The following DYRK1A variants were observed in gnomAD, a reference collection of about 807,000 sequenced individuals.
DYRK1A encodes the protein dual specificity tyrosine phosphorylation regulated kinase 1A, also known as dual specificity tyrosine-phosphorylation-regulated kinase 1A.
Under a neutral mutation model 79.7 loss-of-function variants are expected in DYRK1A, and 9 were observed. That is an observed-to-expected ratio of 0.11 (90% CI 0.07 to 0.20). The LOEUF is 0.20. Ranked by LOEUF, DYRK1A falls within the 10% of genes least tolerant of loss-of-function variation. DYRK1A has a pLI of 1.00. For missense variants in DYRK1A, 622 were observed against 956.0 expected (o/e 0.65, Z 4.61); for synonymous variants, 349 against 329.7 (o/e 1.06, Z -0.63).
At chr21:37,434,265 A>G (rs185273594) in intron 2 of DYRK1A, among the ~76,000 whole-genome samples, 3 of 152,316 alleles carry the variant, frequency 2.0e-5, no homozygotes, top group Admixed American at 1.3e-4. Flanking sequence ...AAAAATATCT[A>G]AAAATCATGA....
At chr21:37,467,382 A>G (rs1324725087) in intron 2 of DYRK1A, among the ~76,000 whole-genome samples, 1 of 152,176 alleles carries the variant, frequency 6.6e-6, no homozygotes, top group African/African-American at 2.4e-5. Context: ...GGCATGTGCC[A>G]CCACACCCTA....
intron 6 of DYRK1A, chr21:37,488,027 C>T (rs1413071514): frequency 6.6e-6 from 1 of 151,986 alleles, no homozygotes; most frequent in African/African-American, 2.4e-5. Context: ...CTTAGGGGAG[C>T]AGAAAAAATA....
intron 2 of DYRK1A, among the ~76,000 whole-genome samples, chr21:37,425,053 A>G (rs2050579454): frequency 6.6e-6 from 1 of 152,060 alleles, no homozygotes; most frequent in Non-Finnish European, 1.5e-5. Flanking sequence ...AGAGACAGCC[A>G]CTCCCCTTTT....
intron 2 of DYRK1A, among the ~76,000 whole-genome samples, chr21:37,434,090 G>A (rs753349615): frequency 3.3e-5 from 5 of 152,106 alleles, no homozygotes; most frequent in Non-Finnish European, 5.9e-5. Flanking sequence ...TGGGTGCTTA[G>A]AGATGGTGGA....
At chr21:37,372,261 T>C (rs1310408432) in intron 1 of DYRK1A, among the ~76,000 whole-genome samples, 4 of 148,408 alleles carry the variant, frequency 2.7e-5, no homozygotes, top group Middle Eastern at 6.8e-3. Context: ...CTGGGCAACA[T>C]GGTGAAACCC....
At chr21:37,433,504 T>G (rs1200838212) in intron 2 of DYRK1A, among the ~76,000 whole-genome samples, 1 of 152,226 alleles carries the variant, frequency 6.6e-6, no homozygotes, top group East Asian at 1.9e-4. Context: ...GAAATTGGCT[T>G]TAAAATCTTT....
At chr21:37,390,344 T>G (rs985784975) in intron 1 of DYRK1A, among the ~76,000 whole-genome samples, 1 of 152,200 alleles carries the variant, frequency 6.6e-6, no homozygotes, top group Non-Finnish European at 1.5e-5. Context: ...ATTTAAACGT[T>G]GTTGGCATGA....
chr21:37,474,891 C>T (rs1015631415), intron 3 of DYRK1A, among the ~76,000 whole-genome samples: 2 of 152,070 alleles, frequency 1.3e-5, no homozygotes, highest in African/African-American at 4.8e-5. Flanking sequence ...GTTATAGATG[C>T]TATTCAGCTT....
At chr21:37,420,200 T>A (rs1044807621) in intron 1 of DYRK1A, 99 bp from the exon 2 acceptor site, 7 of 428,956 alleles carry the variant, frequency 1.6e-5, no homozygotes, top group African/African-American at 1.4e-4. Context: ...GTAATTTTAT[T>A]CTTTATGTTT....
chr21:37,504,833 G>T, intron 9 of DYRK1A: 1 of 157,104 alleles, frequency 6.4e-6, no homozygotes, highest in Middle Eastern at 3.3e-3. Context: ...AACAGGTGCT[G>T]CGGGTGCACA....
intron 4 of DYRK1A, among the ~76,000 whole-genome samples, chr21:37,479,620 T>TTTTTGTTTTTGTTTTTTTTTTG: frequency 1.3e-5 from 1 of 77,682 alleles, no homozygotes; most frequent in East Asian, 3.8e-4. Flanking sequence ...TTGTTTTTTG[T>TTTTTGTTTTTGTTTTTTTTTTG]TTTTTTTTTT....
intron 6 of DYRK1A, among the ~76,000 whole-genome samples, chr21:37,489,633 T>TA (rs58419137): frequency 0.054 from 7,780 of 143,538 alleles, 237 homozygotes; most frequent in Middle Eastern, 0.14. Context: ...GCCTAAAGGG[T>TA]AAAAAAAAAA....
chr21:37,394,208 TTTC>T (rs2049919528), intron 1 of DYRK1A, among the ~76,000 whole-genome samples: 1 of 146,338 alleles, frequency 6.8e-6, no homozygotes, highest in African/African-American at 2.5e-5. Flanking sequence ...CAGTGGTGTA[TTTC>T]TTTTTTTTTA....
At chr21:37,386,342 G>A (rs974257240) in intron 1 of DYRK1A, among the ~76,000 whole-genome samples, 8 of 152,010 alleles carry the variant, frequency 5.3e-5, no homozygotes, top group Non-Finnish European at 1.2e-4. Context: ...TGTCTTCCAC[G>A]AAACTGGTCC....
intron 8 of DYRK1A, among the ~76,000 whole-genome samples, chr21:37,494,907 C>T (rs2053212959): frequency 6.6e-6 from 1 of 150,830 alleles, no homozygotes; most frequent in South Asian, 2.1e-4. Flanking sequence ...GAGATCACGC[C>T]ACTGCCCTCT....
chr21:37,378,464 G>A (rs1272115474), intron 1 of DYRK1A, among the ~76,000 whole-genome samples: 2 of 152,212 alleles, frequency 1.3e-5, no homozygotes, highest in Non-Finnish European at 2.9e-5. Context: ...CCTGGGAGGC[G>A]GACGTGGTGG....
intron 2 of DYRK1A, among the ~76,000 whole-genome samples, chr21:37,457,919 A>G (rs945422907): frequency 2.0e-5 from 3 of 152,204 alleles, no homozygotes; most frequent in Non-Finnish European, 4.4e-5. Flanking sequence ...TTTGTTTCCA[A>G]AGAAACATTA....
At chr21:37,380,528 A>C (rs532617899) in intron 1 of DYRK1A, among the ~76,000 whole-genome samples, 34 of 152,268 alleles carry the variant, frequency 2.2e-4, no homozygotes, top group African/African-American at 7.2e-4. Flanking sequence ...CAGCTATGCA[A>C]AGGGAGAAGC....
At chr21:37,462,694 T>C (rs550872052) in intron 2 of DYRK1A, among the ~76,000 whole-genome samples, 1 of 152,314 alleles carries the variant, frequency 6.6e-6, no homozygotes, top group African/African-American at 2.4e-5. Context: ...TTCAGTGGCC[T>C]TGAACTCTTC....
Sources: gnomAD v4.1 joint callset for allele counts (sites outside exome capture counted in the v4.1 genomes callset) on GRCh38, gnomAD v4.1.1 for gene constraint, MANE v1.5 for transcripts, NCBI Gene and HGNC (gene_info 2026-07-23, HGNC 2026-07-21) for gene names.